The following PDE10A variants were observed in gnomAD, a reference collection of about 807,000 sequenced individuals.
PDE10A encodes cAMP and cAMP-inhibited cGMP 3',5'-cyclic phosphodiesterase 10A.
A neutral mutation model predicts 97.7 loss-of-function variants in PDE10A; 39 were observed. That is an observed-to-expected ratio of 0.40 (90% CI 0.31 to 0.52). The LOEUF is 0.52. Among genes scored for constraint, PDE10A ranks in the 20% least tolerant of loss-of-function variants. The probability of loss-of-function intolerance (pLI) is 0.56; values close to 1 mark genes in which losing one functional copy is unlikely to be tolerated. For synonymous variants in PDE10A, 371 were observed against 376.8 expected (o/e 0.98, Z 0.18); for missense variants, 731 against 1,047.8 (o/e 0.70, Z 4.17).
At chr6:165,725,953 AG>A (rs1187720784) in intron 1 of PDE10A, among the ~76,000 whole-genome samples, 2 of 152,338 alleles carry the variant, frequency 1.3e-5, no homozygotes, top group African/African-American at 4.8e-5. Flanking sequence ...CACTTGGCGC[AG>A]TGCAGGACAG....
chr6:165,408,696 A>G (rs1787425647), intron 13 of PDE10A, among the ~76,000 whole-genome samples: 2 of 152,168 alleles, frequency 1.3e-5, no homozygotes, highest in Non-Finnish European at 2.9e-5. Context: ...GAATTGGAAC[A>G]AAGTTTTGAA....
At chr6:165,433,817 C>G in intron 6 of PDE10A, among the ~76,000 whole-genome samples, 1 of 151,800 alleles carries the variant, frequency 6.6e-6, no homozygotes, top group Non-Finnish European at 1.5e-5. Flanking sequence ...AGATCGAGAC[C>G]ATCCTGGCTA....
At chr6:165,746,801 C>A (rs566189347) in intron 1 of PDE10A, among the ~76,000 whole-genome samples, 4 of 152,250 alleles carry the variant, frequency 2.6e-5, no homozygotes, top group African/African-American at 9.6e-5. Context: ...ATTTGATTGC[C>A]ATCTTTCAAA....
intron 1 of PDE10A, among the ~76,000 whole-genome samples, chr6:165,870,893 A>G (rs1781188253): frequency 1.3e-5 from 2 of 152,170 alleles, no homozygotes; most frequent in Admixed American, 1.3e-4. Flanking sequence ...TGGGAGCTAA[A>G]AATGTTGATC....
intron 1 of PDE10A, among the ~76,000 whole-genome samples, chr6:165,849,274 G>A (rs1482555298): frequency 6.6e-6 from 1 of 152,172 alleles, no homozygotes; most frequent in Non-Finnish European, 1.5e-5. Context: ...TGTTTTAAGA[G>A]AATATTATTT....
In PDE10A at chr6:165,422,978, G is replaced by A. The variant is rs558920313; in HGVS notation, c.1654-4201C>T. On this transcript the variant is annotated intron_variant, in intron 10 of 21. Transcript: ENST00000539869. ...ACAAATGTGCTTCATTTATTATCTT[G>A]TTGGTGAAGTGAGTGATATGATATA... is the stretch of plus-strand genomic sequence containing the variant. 2.0e-5 allele frequency among the ~76,000 whole-genome samples: 3 copies of A among 152,124 alleles called. No individual in the cohort carries two copies. The South Asian group carries it at 6.2e-4, about 32-fold the overall frequency.
At chr6:165,605,369 G>A (rs530415718) in intron 1 of PDE10A, among the ~76,000 whole-genome samples, 1 of 152,290 alleles carries the variant, frequency 6.6e-6, no homozygotes, top group Non-Finnish European at 1.5e-5. Context: ...GACTGCCCGT[G>A]GCACCTGCAC....
intron 1 of PDE10A, among the ~76,000 whole-genome samples, chr6:165,584,441 C>G (rs1785791978): frequency 1.3e-5 from 2 of 152,132 alleles, no homozygotes; most frequent in African/African-American, 2.4e-5. Context: ...GACGCAGGAG[C>G]CTTTTGTTTG....
chr6:165,892,869 C>T (rs76230850), intron 1 of PDE10A, among the ~76,000 whole-genome samples: 7,844 of 152,234 alleles, frequency 0.052, 287 homozygotes, highest in Middle Eastern at 0.13. Flanking sequence ...TGAGAGGAAT[C>T]GAGGCATTGA....
At chr6:165,619,069 GTAGTGTAGTCTAGTGTAGTC>G (rs1408138775) in intron 1 of PDE10A, among the ~76,000 whole-genome samples, 9 of 114,116 alleles carry the variant, frequency 7.9e-5, no homozygotes, top group African/African-American at 3.1e-4. Flanking sequence ...GTAGTGTAGT[GTAGTGTAGTCTAGTGTAGTC>G]TAGTGTAGTG....
At chr6:165,526,461 T>C (rs1337145426) in intron 2 of PDE10A, among the ~76,000 whole-genome samples, 1 of 152,182 alleles carries the variant, frequency 6.6e-6, no homozygotes, top group Admixed American at 6.5e-5. Context: ...AAAGGTCCAA[T>C]GGAAGCCATT....
intron 1 of PDE10A, among the ~76,000 whole-genome samples, chr6:165,858,432 A>C (rs1260161991): frequency 6.6e-6 from 1 of 152,164 alleles, no homozygotes; most frequent in East Asian, 1.9e-4. Flanking sequence ...TGATTATGAG[A>C]ACCATGAGTT....
Position 165,842,780 on chromosome 6 carries a change from C to A in PDE10A, c.-615+144749G>T, listed in dbSNP as rs189609876. On this transcript the variant is annotated intron_variant, in intron 1 of 19. Transcript: ENST00000366882. ...CACAGCAAGTTAGTGGTGGAAGAGGCAAGAGTCATGCCTCCGAAGTTACAG... is the reference window on the plus strand; with the variant it reads ...CACAGCAAGTTAGTGGTGGAAGAGGAAAGAGTCATGCCTCCGAAGTTACAG... 2.2e-3 allele frequency among the ~76,000 whole-genome samples: 336 copies of A among 152,296 alleles called. 1 individual carries two copies. The highest frequency in any genetic ancestry group is 6.8e-3 in the Middle Eastern group (2 of 294).
chr6:165,971,211 A>T (rs956980520), intron 1 of PDE10A, among the ~76,000 whole-genome samples: 4 of 152,072 alleles, frequency 2.6e-5, no homozygotes, highest in East Asian at 1.9e-4. Context: ...TCACTGTTAA[A>T]TTTTTTTTAA....
In PDE10A at chr6:165,943,274, G is replaced by GGAAGGAAGGAAA. The variant is rs1562809956; in HGVS notation, c.-615+44254_-615+44255insTTTCCTTCCTTC. On this transcript the variant is annotated intron_variant, in intron 1 of 19. Transcript: ENST00000366882. The stretch of plus-strand genomic sequence containing the variant: ...AGGAAGGAAGGAAGGAAGGAAGGAA[G>GGAAGGAAGGAAA]GAAAGAAAGAAAGAAAGAAGGAAAG... Among the ~76,000 whole-genome samples, 13 of 58,854 alleles carry GGAAGGAAGGAAA rather than the reference G, an allele frequency of 2.2e-4. 2 individuals carry two copies. Among genetic ancestry groups the GGAAGGAAGGAAA allele is most frequent in the African/African-American group, 6.1e-4 (6 of 9,840 alleles). 38.6% of individuals were successfully genotyped at this position (58,854 alleles called of 152,430 possible). A position where few individuals can be genotyped will look rare whatever the true frequency, so the allele number is the denominator to read the frequency against.
chr6:165,372,180 C>T (rs1164283148), intron 18 of PDE10A, among the ~76,000 whole-genome samples: 2 of 147,266 alleles, frequency 1.4e-5, no homozygotes, highest in Admixed American at 1.4e-4. Flanking sequence ...GACAGGGATG[C>T]CCTCTCTCAC....
At chr6:165,511,173 C>G (rs1037454331) in intron 2 of PDE10A, among the ~76,000 whole-genome samples, 1 of 151,882 alleles carries the variant, frequency 6.6e-6, no homozygotes, top group Admixed American at 6.6e-5. Flanking sequence ...CTATTTTCTT[C>G]CCTGTTAGTA....
intron 19 of PDE10A, among the ~76,000 whole-genome samples, chr6:165,342,500 C>G (rs1454380340): frequency 6.6e-6 from 1 of 152,198 alleles, no homozygotes; most frequent in African/African-American, 2.4e-5. Context: ...AGTAAACATA[C>G]TTTGGCTTTA....
chr6:165,886,471 G>T (rs1276637306), intron 1 of PDE10A, among the ~76,000 whole-genome samples: 20 of 152,214 alleles, frequency 1.3e-4, no homozygotes, highest in Admixed American at 1.2e-3. Flanking sequence ...TTTGCTAAGC[G>T]CACAGAAGTC....
Sources: gnomAD v4.1 joint callset for allele counts (sites outside exome capture counted in the v4.1 genomes callset) on GRCh38, gnomAD v4.1.1 for gene constraint, MANE v1.5 for transcripts, NCBI Gene and HGNC (gene_info 2026-07-23, HGNC 2026-07-21) for gene names.